Variants in DYNC2H1 observed in about 807,000 individuals in gnomAD.
DYNC2H1 encodes the protein cytoplasmic dynein 2 heavy chain 1.
A neutral mutation model predicts 570.0 loss-of-function variants in DYNC2H1; 410 were observed. The observed-to-expected ratio is 0.72, with a 90% CI of 0.66 to 0.78. DYNC2H1 has a LOEUF of 0.78. Ranked by LOEUF, DYNC2H1 falls within the 30% of genes least tolerant of loss-of-function variation. The probability of loss-of-function intolerance (pLI) is 0.00; values close to 1 mark genes in which losing one functional copy is unlikely to be tolerated. For missense variants in DYNC2H1, 4,865 were observed against 5,046.4 expected (o/e 0.96, Z 1.09); for synonymous variants, 1,688 against 1,677.6 (o/e 1.01, Z -0.15).
chr11:103,251,189 T>TAGAAC (rs1864814076), intron 65 of DYNC2H1, among the ~76,000 whole-genome samples: 1 of 152,160 alleles, frequency 6.6e-6, no homozygotes, highest in Non-Finnish European at 1.5e-5. Flanking sequence ...TTTAAATATT[T>TAGAAC]TGAAAGCTAT....
chr11:103,435,857 AT>A (rs1944041645), intron 84 of DYNC2H1, 85 bp from the exon 85 acceptor site: 15 of 1,365,696 alleles, frequency 1.1e-5, no homozygotes, highest in Non-Finnish European at 1.4e-5. Context: ...TTATGCCAAA[AT>A]TTTTCTCCAT....
chr11:103,181,773 C>A lies in DYNC2H1; in HGVS notation c.6364C>A (p.Leu2122Ile). ...MIFLSDEETD[L>I]NSLIKSWLRN... is the part of the protein sequence containing the mutation. ...CTGTTTCAGTGATGAAGAGACAGAT[C>A]TTAATTCTCTGATAAAATCTTGGTT... Residue 2122 changes from leucine (L) to isoleucine (I), a missense_variant, in exon 40 of 89, where the codon CTT (leucine) becomes ATT (isoleucine). Transcript: ENST00000375735. The surrounding 1 kb of genome is among the most constrained non-coding windows in gnomAD (Gnocchi z 5.0). 1 of 1,564,140 alleles carries A rather than the reference C, an allele frequency of 6.4e-7. No individual in the cohort carries two copies. The highest frequency in any genetic ancestry group is 8.7e-7 in the Non-Finnish European group (1 of 1,152,442).
chr11:103,169,597 G>A (rs141930435), intron 32 of DYNC2H1, among the ~76,000 whole-genome samples: 317 of 152,192 alleles, frequency 2.1e-3, no homozygotes, highest in Non-Finnish European at 4.0e-3. Context: ...ACTGTAAATT[G>A]TAGCTGGAAT....
At position 103,255,413 on chromosome 11, in the gene DYNC2H1, A is replaced by G; in HGVS notation, c.10207-2A>G. The G allele has an allele frequency of 6.4e-7, 1 of 1,552,892 alleles. No homozygotes were observed. On this transcript the variant is annotated splice_acceptor_variant, in intron 66 of 88. Transcript: ENST00000375735. LOFTEE classifies it high-confidence loss of function. ...ATTACCTTGTCTTTTTGTTATCCCAAGCTTTTAGCTTTAACCATTCAGCAT... is the reference window on the plus strand; with the variant it reads ...ATTACCTTGTCTTTTTGTTATCCCAGGCTTTTAGCTTTAACCATTCAGCAT...
chr11:103,303,043 TTAA>T, intron 75 of DYNC2H1, 47 bp from the exon 76 acceptor site: 3 of 1,296,292 alleles, frequency 2.3e-6, no homozygotes, highest in East Asian at 2.6e-5. Flanking sequence ...AATAAACTTT[TTAA>T]TAATGCATAC....
Position 103,177,087 on chromosome 11 carries a change from T to A in DYNC2H1, c.5875-469T>A, listed in dbSNP as rs886457492. Among the ~76,000 whole-genome samples the A allele has an allele frequency of 1.3e-4, 20 of 152,302 alleles. No individual in the cohort carries two copies. Among genetic ancestry groups the A allele is most frequent in the African/African-American group, 4.8e-4 (20 of 41,576 alleles). ...GTGTAATGGATTCATCATTTTTTTATAATTGATTATATATATGATTTAGTT... is the reference window on the plus strand; with the variant it reads ...GTGTAATGGATTCATCATTTTTTTAAAATTGATTATATATATGATTTAGTT... On this transcript the variant is annotated intron_variant, in intron 37 of 88. Transcript: ENST00000375735. The surrounding 1 kb of genome is among the most constrained non-coding windows in gnomAD (Gnocchi z 4.4).
Position 103,120,953 on chromosome 11 carries a change from A to T in DYNC2H1, c.1277A>T (p.Glu426Val), listed in dbSNP as rs1314380719. 1 of 1,551,742 alleles carries T rather than the reference A, an allele frequency of 6.4e-7. No homozygotes were observed. The highest frequency in any genetic ancestry group is 8.7e-7 in the Non-Finnish European group (1 of 1,151,506). The change falls in exon 9 of 89, where the codon GAG becomes GTG. Residue 426 changes from glutamate (E) to valine (V), a missense_variant. This residue lies in a region of DYNC2H1 where 1,936 missense variants were observed against 1,962.1 expected (regional missense o/e 0.99). Coordinates refer to ENST00000375735, the MANE Select transcript of DYNC2H1 (RefSeq NM_001377.3). The part of the protein sequence containing the change: ...QLLQAFLKYK[E>V]LVKRPTISKE... The stretch of plus-strand genomic sequence containing the variant: ...CTTCAAGCATTCCTGAAATATAAAG[A>T]GTTGGTAAAGCGTCCAACTATAAGC...
At chr11:103,294,139 C>T (rs1296134583) in intron 75 of DYNC2H1, among the ~76,000 whole-genome samples, 1 of 152,160 alleles carries the variant, frequency 6.6e-6, no homozygotes, top group Non-Finnish European at 1.5e-5. Context: ...CATTGCATTT[C>T]CTCAAGACAG....
Position 103,275,554 on chromosome 11 carries a change from C to T in DYNC2H1, c.10696-4794C>T, listed in dbSNP as rs1270867239. On this transcript the variant is annotated intron_variant, in intron 70 of 88. Coordinates refer to ENST00000375735, the MANE Select transcript of DYNC2H1 (RefSeq NM_001377.3). This position sits in a 1 kb window ranked among gnomAD's most constrained non-coding sequence, Gnocchi z 4.8. ...GATCCTTTTACTGCCTATAGTTTTG[C>T]CTGTTCCAAATTATATTCTAATTAT... Among the ~76,000 whole-genome samples, 1 of 152,134 alleles carries T rather than the reference C, an allele frequency of 6.6e-6. No homozygotes were observed. Among genetic ancestry groups the T allele is most frequent in the East Asian group, 1.9e-4 (1 of 5,204 alleles).
chr11:103,252,362 C>T lies in DYNC2H1; in HGVS notation c.10043-923C>T, dbSNP rs144000460. Among the ~76,000 whole-genome samples the T allele has an allele frequency of 6.6e-6, 1 of 152,218 alleles. No individual in the cohort carries two copies. The highest frequency in any genetic ancestry group is 2.4e-5 in the African/African-American group (1 of 41,550). ...GAGGTGGTGACTTATTTCCTTTGGGCATATACCCAGAAAAAAGATTGCTGG... is the reference window on the plus strand; with the variant it reads ...GAGGTGGTGACTTATTTCCTTTGGGTATATACCCAGAAAAAAGATTGCTGG... On this transcript the variant is annotated intron_variant, in intron 65 of 88. Coordinates refer to ENST00000375735, the MANE Select transcript of DYNC2H1 (RefSeq NM_001377.3). The surrounding 1 kb of genome is among the most constrained non-coding windows in gnomAD (Gnocchi z 4.6).
At chr11:103,468,378 G>T (rs1014943831) in intron 87 of DYNC2H1, 1 of 384,908 alleles carries the variant, frequency 2.6e-6, no homozygotes, top group Admixed American at 4.2e-5. Flanking sequence ...AAATATATTT[G>T]CTAAAAATGA....
chr11:103,127,586 A>G (rs576415968), intron 12 of DYNC2H1, among the ~76,000 whole-genome samples: 7 of 152,346 alleles, frequency 4.6e-5, no homozygotes, highest in Admixed American at 1.3e-4. Flanking sequence ...AGCATCTACT[A>G]TGTGCCAAGA....
intron 18 of DYNC2H1, among the ~76,000 whole-genome samples, chr11:103,143,673 G>GCACAAT (rs1860087004): frequency 6.6e-6 from 1 of 152,044 alleles, no homozygotes; most frequent in Non-Finnish European, 1.5e-5. Flanking sequence ...ATATGCATTG[G>GCACAAT]CACAATCTCA....
At chr11:103,463,278 G>A (rs531310360) in intron 87 of DYNC2H1, among the ~76,000 whole-genome samples, 34 of 152,252 alleles carry the variant, frequency 2.2e-4, no homozygotes, top group African/African-American at 7.2e-4. Flanking sequence ...AAGTAGGGCC[G>A]GAAATACAGA....
rs1860220136 is a variant in DYNC2H1 at position 103,145,956 on chromosome 11, A to G, written c.2703-1816A>G. 6.6e-6 allele frequency among the ~76,000 whole-genome samples: 1 copy of G among 152,228 alleles called. No individual in the cohort carries two copies. Among genetic ancestry groups the G allele is most frequent in the Non-Finnish European group, 1.5e-5 (1 of 68,026 alleles). ...TTAGATCACTTTATGTTAATTCATT[A>G]GCAAAATACAGTATAATATAACCTT... On this transcript the variant is annotated intron_variant, in intron 18 of 88. Coordinates refer to ENST00000375735, the MANE Select transcript of DYNC2H1 (RefSeq NM_001377.3). The surrounding 1 kb of genome is among the most constrained non-coding windows in gnomAD (Gnocchi z 4.2).
chr11:103,386,239 T>C (rs926512497), intron 83 of DYNC2H1, among the ~76,000 whole-genome samples: 23 of 152,336 alleles, frequency 1.5e-4, no homozygotes, highest in African/African-American at 5.5e-4. Flanking sequence ...AAATAAGTTA[T>C]ATATGTGTAT....
chr11:103,357,084 ATAC>A (rs1308205950), intron 82 of DYNC2H1, among the ~76,000 whole-genome samples: 4 of 152,286 alleles, frequency 2.6e-5, no homozygotes, highest in African/African-American at 9.6e-5. Flanking sequence ...AAAACAATAT[ATAC>A]ATCATTGATT....
At chr11:103,211,334 G>A (rs1863146891) in intron 53 of DYNC2H1, among the ~76,000 whole-genome samples, 1 of 152,046 alleles carries the variant, frequency 6.6e-6, no homozygotes, top group African/African-American at 2.4e-5. Flanking sequence ...TGAATCTAGT[G>A]TGAACTTATT....
In DYNC2H1 at chr11:103,446,453, A is replaced by G. The variant is rs1035265100; in HGVS notation, c.12457-8733A>G. Among the ~76,000 whole-genome samples the G allele has an allele frequency of 6.6e-6, 1 of 152,210 alleles. No homozygotes were observed. The highest frequency in any genetic ancestry group is 2.4e-5 in the African/African-American group (1 of 41,454). On this transcript the variant is annotated intron_variant, in intron 85 of 88. Transcript: ENST00000375735. The surrounding 1 kb of genome is among the most constrained non-coding windows in gnomAD (Gnocchi z 4.5). Reference sequence around the variant, plus strand: ...AAATGCTGTAAGTGAGGTTAGAGAAAAATCATGTTTGGCAACATGGAAGAC... The same window carrying G: ...AAATGCTGTAAGTGAGGTTAGAGAAGAATCATGTTTGGCAACATGGAAGAC...
Sources: gnomAD v4.1 joint callset for allele counts (sites outside exome capture counted in the v4.1 genomes callset) on GRCh38, gnomAD v4.1.1 for gene constraint, gnomAD v4.1.1 regional missense constraint, Gnocchi (gnomAD v3.1) non-coding constraint, MANE v1.5 for transcripts, NCBI Gene and HGNC (gene_info 2026-07-23, HGNC 2026-07-21) for gene names.